The following SLC5A4 variants were observed in gnomAD, a reference collection of about 807,000 sequenced individuals.
The protein encoded by SLC5A4 is solute carrier family 5 member 4, also known as probable glucose sensor protein SLC5A4.
SLC5A4 carries 55 observed loss-of-function variants against 70.3 expected under a neutral mutation model. The ratio of observed to expected loss-of-function variants is 0.78; its 90% CI spans 0.63 to 0.98. The LOEUF is 0.98. SLC5A4 is among the 50% of genes least tolerant of loss of function. The probability of loss-of-function intolerance (pLI) is 0.00; values close to 1 mark genes in which losing one functional copy is unlikely to be tolerated. For missense variants in SLC5A4, 735 were observed against 839.2 expected, an observed-to-expected ratio of 0.88 and a Z score of 1.53; for synonymous variants, 268 against 305.7, an observed-to-expected ratio of 0.88 and a Z score of 1.29.
the SLC5A4 span, among the ~76,000 whole-genome samples, chr22:32,263,735 A>G: frequency 6.6e-6 from 1 of 152,234 alleles, no homozygotes; most frequent in African/African-American, 2.4e-5. Context: ...TTCTACTATA[A>G]AGACACATGC....
At chr22:32,249,334 C>G (rs1390771286) in intron 3 of SLC5A4, among the ~76,000 whole-genome samples, 1 of 152,122 alleles carries the variant, frequency 6.6e-6, no homozygotes, top group Non-Finnish European at 1.5e-5. Context: ...GGAACTTGAG[C>G]CTTACAGAGA....
At chr22:32,229,767 T>C (rs902479113) in intron 10 of SLC5A4, among the ~76,000 whole-genome samples, 5 of 152,222 alleles carry the variant, frequency 3.3e-5, no homozygotes, top group African/African-American at 1.2e-4. Flanking sequence ...AATAACTTAA[T>C]TGTACATTTT....
At chr22:32,332,882 T>G in the SLC5A4 span, among the ~76,000 whole-genome samples, 76 of 152,164 alleles carry the variant, frequency 5.0e-4, 1 homozygote, top group Middle Eastern at 6.8e-3. Context: ...CGGCAGCCTC[T>G]GTCCGTAACT....
intron 11 of SLC5A4, 136 bp downstream of exon 11, chr22:32,229,046 TCACTTGAATTTG>T: frequency 1.5e-6 from 1 of 649,820 alleles, no homozygotes; most frequent in South Asian, 3.1e-5. Flanking sequence ...TGGAAAGTGA[TCACTTGAATTTG>T]ATGTACTCCA....
chr22:32,269,209 T>G, the SLC5A4 span: 4 of 167,458 alleles, frequency 2.4e-5, no homozygotes, highest in African/African-American at 9.6e-5. The surrounding 1 kb of genome is among the most constrained non-coding windows in gnomAD (Gnocchi z 4.1). Context: ...TTTATTACTT[T>G]TTTAGCATGT....
intron 14 of SLC5A4, 151 bp downstream of exon 14, chr22:32,220,769 T>C (rs1375176463): frequency 1.5e-6 from 1 of 653,346 alleles, no homozygotes; most frequent in Non-Finnish European, 2.7e-6. Context: ...TATGTTGTCT[T>C]GGTTTTTGGA....
At chr22:32,230,257 A>T (rs1925669021) in intron 10 of SLC5A4, among the ~76,000 whole-genome samples, 1 of 152,128 alleles carries the variant, frequency 6.6e-6, no homozygotes, top group Non-Finnish European at 1.5e-5. Flanking sequence ...AGGTGGAAGA[A>T]ATGTAGCCAA....
the SLC5A4 span, among the ~76,000 whole-genome samples, chr22:32,274,549 TA>T: frequency 6.6e-6 from 1 of 151,962 alleles, no homozygotes; most frequent in Non-Finnish European, 1.5e-5. Flanking sequence ...AGCTTATGCA[TA>T]AAAACAGCTC....
chr22:32,286,953 A>T, the SLC5A4 span, among the ~76,000 whole-genome samples: 5 of 152,208 alleles, frequency 3.3e-5, no homozygotes, highest in Non-Finnish European at 7.3e-5. Context: ...TCAGGGCAAA[A>T]GGCAGATTAA....
chr22:32,349,664 A>G, the SLC5A4 span, among the ~76,000 whole-genome samples: 23 of 152,312 alleles, frequency 1.5e-4, no homozygotes, highest in East Asian at 3.7e-3. Flanking sequence ...TAGAGCTTCT[A>G]TTTTTCTTAA....
At chr22:32,300,803 T>G in the SLC5A4 span, among the ~76,000 whole-genome samples, 2 of 152,238 alleles carry the variant, frequency 1.3e-5, no homozygotes, top group Non-Finnish European at 2.9e-5. Flanking sequence ...ATTCTCCAGT[T>G]GAAGTACATG....
chr22:32,241,786 T>G (rs2145683639), intron 5 of SLC5A4, among the ~76,000 whole-genome samples: 1 of 144,574 alleles, frequency 6.9e-6, no homozygotes. Flanking sequence ...TGTGTGTGTG[T>G]GTGTGTGTGT....
chr22:32,287,485 TA>T, the SLC5A4 span, among the ~76,000 whole-genome samples: 2 of 152,160 alleles, frequency 1.3e-5, no homozygotes, highest in Non-Finnish European at 2.9e-5. Context: ...GCAGTTGTCC[TA>T]ACCCTACTTC....
upstream of SLC5A4, among the ~76,000 whole-genome samples, chr22:32,256,142 C>T (rs143156825): frequency 1.5e-3 from 230 of 152,166 alleles, no homozygotes; most frequent in African/African-American, 4.9e-3. Context: ...CATAGGGAGT[C>T]TTTGTCTCTA....
At chr22:32,315,322 G>A in the SLC5A4 span, among the ~76,000 whole-genome samples, 3 of 152,082 alleles carry the variant, frequency 2.0e-5, no homozygotes, top group African/African-American at 7.2e-5. Flanking sequence ...GAGGGGTGGA[G>A]GTGAGAAGGA....
the SLC5A4 span, chr22:32,272,463 C>T: frequency 1.3e-6 from 1 of 781,146 alleles, no homozygotes; most frequent in Non-Finnish European, 2.3e-6. Flanking sequence ...TCAGGAACTT[C>T]ATCCTGGCAG....
the SLC5A4 span, among the ~76,000 whole-genome samples, chr22:32,332,225 G>A: frequency 6.6e-6 from 1 of 152,120 alleles, no homozygotes; most frequent in Non-Finnish European, 1.5e-5. Flanking sequence ...CTTGTCCCTG[G>A]ACTAAGAAGC....
At chr22:32,251,536 G>A (rs1229275214) in intron 3 of SLC5A4, among the ~76,000 whole-genome samples, 8 of 143,180 alleles carry the variant, frequency 5.6e-5, no homozygotes, top group South Asian at 2.2e-4. Flanking sequence ...TCTCTCTCTC[G>A]TGCCCTATTG....
intron 5 of SLC5A4, among the ~76,000 whole-genome samples, chr22:32,246,247 C>T (rs1337469841): frequency 6.6e-6 from 1 of 152,196 alleles, no homozygotes; most frequent in Non-Finnish European, 1.5e-5. Context: ...CAGTGCTGGG[C>T]AATGCTCACG....
Sources: allele counts gnomAD v4.1 joint callset (sites outside exome capture counted in the v4.1 genomes callset), GRCh38; gene constraint gnomAD v4.1.1; non-coding constraint Gnocchi (gnomAD v3.1); transcripts MANE v1.5; gene names NCBI Gene and HGNC (gene_info 2026-07-23, HGNC 2026-07-21).